AGR3: variants seen among roughly 807,000 people sequenced by gnomAD.
AGR3 encodes anterior gradient protein 3.
A neutral mutation model predicts 24.5 loss-of-function variants in AGR3; 37 were observed. That is an observed-to-expected ratio of 1.51 (90% CI 1.16 to 1.99). AGR3 has a LOEUF of 1.99. Among genes scored for constraint, AGR3 ranks in the 30% most tolerant of loss-of-function variants. The probability of loss-of-function intolerance (pLI) is 0.00; values close to 1 mark genes in which losing one functional copy is unlikely to be tolerated. For missense variants in AGR3, 228 were observed against 191.1 expected, an observed-to-expected ratio of 1.19 and a Z score of -1.14; for synonymous variants, 75 against 61.6, an observed-to-expected ratio of 1.22 and a Z score of -1.02.
intron 3 of AGR3, among the ~76,000 whole-genome samples, chr7:16,869,295 C>T (rs975088523): frequency 6.6e-6 from 1 of 151,986 alleles, no homozygotes; most frequent in Admixed American, 6.6e-5. Flanking sequence ...TATATAATGA[C>T]CTTCTTTGTT....
chr7:16,877,977 A>G (rs1220507437), intron 2 of AGR3, among the ~76,000 whole-genome samples: 1 of 152,194 alleles, frequency 6.6e-6, no homozygotes, highest in Non-Finnish European at 1.5e-5. Flanking sequence ...GTTTCTAAAC[A>G]TGTAGCCACC....
chr7:16,879,500 A>G (rs1039018053), intron 1 of AGR3, among the ~76,000 whole-genome samples: 15 of 152,382 alleles, frequency 9.8e-5, no homozygotes, highest in South Asian at 4.1e-4. Context: ...CAGCATTAGC[A>G]TATAAAACTG....
In AGR3 at chr7:16,862,650, T is replaced by TA; in HGVS notation, c.185dup (p.Leu62PhefsTer24). 6.4e-7 allele frequency: 1 copy of TA among 1,552,472 alleles called. No individual in the cohort carries two copies. The highest frequency in any genetic ancestry group is 2.5e-5 in the East Asian group (1 of 40,474). On this transcript the variant is annotated frameshift_variant, in exon 4 of 8. Coordinates refer to ENST00000310398, the MANE Select transcript of AGR3 (RefSeq NM_176813.5). LOFTEE classifies it high-confidence loss of function. ...AATCCTCCAGGTGATGAATAACCATTAATGGCTTCTTACTAAACAAAGAAA... is the reference window on the plus strand; with the variant it reads ...AATCCTCCAGGTGATGAATAACCATTAAATGGCTTCTTACTAAACAAAGAAA...
intron 1 of AGR3, among the ~76,000 whole-genome samples, chr7:16,879,387 C>T (rs775066021): frequency 8.5e-5 from 13 of 152,128 alleles, no homozygotes; most frequent in African/African-American, 1.2e-4. Context: ...ATACTTTGCA[C>T]GTTAAGATAA....
chr7:16,880,499 TTTCCC>T (rs1782091966), intron 1 of AGR3, among the ~76,000 whole-genome samples: 1 of 46,764 alleles, frequency 2.1e-5, no homozygotes, highest in African/African-American at 7.4e-5. Context: ...TTTCCCCTCC[TTTCCC>T]CTCCTCTTTC....
chr7:16,865,847 T>C (rs1303513926), intron 3 of AGR3: 3 of 739,438 alleles, frequency 4.1e-6, no homozygotes, highest in Non-Finnish European at 7.6e-6. Flanking sequence ...TTGAATACCA[T>C]TCTCCTTTGA....
chr7:16,873,205 A>G (rs539306220), intron 3 of AGR3, among the ~76,000 whole-genome samples: 4 of 152,294 alleles, frequency 2.6e-5, no homozygotes, highest in African/African-American at 7.2e-5. Context: ...ATGTCCATCA[A>G]TGGATGGATG....
At chr7:16,868,911 A>C (rs1781810946) in intron 3 of AGR3, among the ~76,000 whole-genome samples, 1 of 152,204 alleles carries the variant, frequency 6.6e-6, no homozygotes, top group African/African-American at 2.4e-5. Context: ...ATGGTCAGAA[A>C]AGATAGTTGA....
At chr7:16,871,632 C>T (rs1781866379) in intron 3 of AGR3, among the ~76,000 whole-genome samples, 2 of 152,140 alleles carry the variant, frequency 1.3e-5, no homozygotes, top group South Asian at 4.1e-4. Context: ...CACCTGAGAT[C>T]AAGAGTTCGA....
chr7:16,880,859 T>C (rs1782105473), intron 1 of AGR3, among the ~76,000 whole-genome samples: 3 of 151,388 alleles, frequency 2.0e-5, no homozygotes, highest in South Asian at 2.1e-4. Context: ...AGGTTGGGAG[T>C]TGCAGTGGAG....
At chr7:16,859,899 T>G (rs1437594622) in intron 7 of AGR3, among the ~76,000 whole-genome samples, 1 of 152,116 alleles carries the variant, frequency 6.6e-6, no homozygotes, top group Admixed American at 6.6e-5. Context: ...CACTTTGTAT[T>G]AGTATTGCTA....
intron 3 of AGR3, among the ~76,000 whole-genome samples, chr7:16,871,526 C>A (rs1202080096): frequency 6.6e-6 from 1 of 151,898 alleles, no homozygotes; most frequent in Non-Finnish European, 1.5e-5. Flanking sequence ...AAAAAAGAAA[C>A]AAGAAAGCAA....
chr7:16,863,921 T>C (rs1781699025), intron 3 of AGR3, among the ~76,000 whole-genome samples: 1 of 152,164 alleles, frequency 6.6e-6, no homozygotes, highest in South Asian at 2.1e-4. Context: ...GTATAGTTCA[T>C]ATTTACAGCC....
chr7:16,855,130 G>A (rs1020593518), downstream of AGR3, among the ~76,000 whole-genome samples: 5 of 152,014 alleles, frequency 3.3e-5, no homozygotes, highest in Non-Finnish European at 7.4e-5. Context: ...CCTTGTATTG[G>A]GAACGTTCAA....
At chr7:16,866,008 G>T in intron 3 of AGR3, 1 of 655,244 alleles carries the variant, frequency 1.5e-6, no homozygotes, top group Admixed American at 2.3e-5. Flanking sequence ...CCAAGTTCAT[G>T]CTAACTTTCT....
intron 2 of AGR3, among the ~76,000 whole-genome samples, chr7:16,875,533 C>T (rs1391483787): frequency 6.6e-6 from 1 of 151,420 alleles, no homozygotes; most frequent in Admixed American, 6.6e-5. Context: ...GGGTTGTTTC[C>T]ACTTTTTGTC....
At chr7:16,875,749 T>TC (rs1231297909) in intron 2 of AGR3, among the ~76,000 whole-genome samples, 2 of 152,236 alleles carry the variant, frequency 1.3e-5, no homozygotes, top group African/African-American at 2.4e-5. Flanking sequence ...TTTTGTTTTT[T>TC]TTTGCCTGAT....
intron 2 of AGR3, among the ~76,000 whole-genome samples, chr7:16,874,194 A>G (rs1781943526): frequency 1.3e-5 from 2 of 152,190 alleles, no homozygotes; most frequent in Admixed American, 1.3e-4. Context: ...ATCTTTGCAT[A>G]CTTTGTAATA....
chr7:16,872,539 G>A (rs1051820447), intron 3 of AGR3, among the ~76,000 whole-genome samples: 3 of 152,196 alleles, frequency 2.0e-5, no homozygotes, highest in East Asian at 1.9e-4. Context: ...TTCGGACATT[G>A]TTCCCTGCAA....
Sources: allele counts gnomAD v4.1 joint callset (sites outside exome capture counted in the v4.1 genomes callset), GRCh38; gene constraint gnomAD v4.1.1; transcripts MANE v1.5; gene names NCBI Gene and HGNC (gene_info 2026-07-23, HGNC 2026-07-21).